Variants in MCM9 observed in about 807,000 individuals in gnomAD.
The protein encoded by MCM9 is DNA helicase MCM9.
A neutral mutation model predicts 72.8 loss-of-function variants in MCM9; 55 were observed. The observed-to-expected ratio is 0.76, with a 90% CI of 0.61 to 0.95. The LOEUF (loss-of-function observed/expected upper bound fraction) is 0.95, where lower values mean the gene tolerates loss of function less well. MCM9 is among the 40% of genes least tolerant of loss of function. The pLI is 0.00. For synonymous variants in MCM9, 480 were observed against 503.4 expected, an observed-to-expected ratio of 0.95 and a Z score of 0.62; for missense variants, 1,279 against 1,377.0, an observed-to-expected ratio of 0.93 and a Z score of 1.13.
chr6:118,843,889 A>ACC lies in MCM9; in HGVS notation c.1325+12481_1325+12482insGG, dbSNP rs1775682433. Among the ~76,000 whole-genome samples, 34 of 148,836 alleles carry ACC rather than the reference A, an allele frequency of 2.3e-4. 1 individual carries two copies. The highest frequency in any genetic ancestry group is 8.3e-4 in the African/African-American group (32 of 38,660). ...CAGGAGAAAGAGAAAAAGAGAAAGA[A>ACC]AGCAAAAGCAGACATATTCAAGAGT... On this transcript the variant is annotated intron_variant, in intron 9 of 13. Coordinates refer to ENST00000619706, the MANE Select transcript of MCM9 (RefSeq NM_017696.3).
At chr6:118,880,897 C>G (rs961824453) in intron 8 of MCM9, among the ~76,000 whole-genome samples, 2 of 152,156 alleles carry the variant, frequency 1.3e-5, no homozygotes, top group African/African-American at 2.4e-5. Context: ...GTTCCAAGAC[C>G]CCCAGTGCAT....
chr6:118,858,114 A>C (rs139136689), intron 8 of MCM9, among the ~76,000 whole-genome samples: 4,440 of 152,266 alleles, frequency 0.029, 216 homozygotes, highest in African/African-American at 0.1. Flanking sequence ...GAAAATCCTC[A>C]TAAATGCAAG....
At chr6:118,928,414 A>C (rs1384294144) in intron 3 of MCM9, among the ~76,000 whole-genome samples, 3 of 152,124 alleles carry the variant, frequency 2.0e-5, no homozygotes. Context: ...CCATCTCAAA[A>C]AAACAAAGAA....
intron 8 of MCM9, among the ~76,000 whole-genome samples, chr6:118,857,781 A>T (rs932532956): frequency 3.3e-5 from 5 of 152,084 alleles, no homozygotes; most frequent in Admixed American, 6.6e-5. Context: ...AAATAGTCAA[A>T]TTTTTTTGAA....
chr6:118,843,123 C>A (rs1313324220), intron 9 of MCM9, among the ~76,000 whole-genome samples: 4 of 152,034 alleles, frequency 2.6e-5, no homozygotes, highest in African/African-American at 9.7e-5. Context: ...ATCATATTGG[C>A]CTCTCCCAGT....
chr6:118,829,225 T>A lies in MCM9; in HGVS notation c.1351A>T (p.Thr451Ser). Residue 451 changes from threonine to serine, a missense_variant, in exon 10 of 14, where the codon ACC becomes TCC. Coordinates refer to ENST00000619706, the MANE Select transcript of MCM9 (RefSeq NM_017696.3). The part of the protein sequence containing the change: ...AGLVCKLNTR[T>S]TILAATNPKG... Reference sequence around the variant, plus strand: ...GGGTTCGTTGCTGCCAGGATGGTGGTCCTTGTGTTCAGCTTGCACACGAGG... The same window carrying A: ...GGGTTCGTTGCTGCCAGGATGGTGGACCTTGTGTTCAGCTTGCACACGAGG... 6.5e-7 allele frequency: 1 copy of A among 1,549,868 alleles called. No individual in the cohort carries two copies. The highest frequency in any genetic ancestry group is 8.7e-7 in the Non-Finnish European group (1 of 1,146,192).
rs143803801 is a variant in MCM9 at position 118,823,126 on chromosome 6, C to T, written c.1961+3021G>A. Among the ~76,000 whole-genome samples the T allele has an allele frequency of 7.5e-3, 1,146 of 152,142 alleles. 8 individuals carry two copies. Among genetic ancestry groups the T allele is most frequent in the South Asian group, 0.029 (137 of 4,794 alleles). ...TCCAGGGGAGTGAATGGTTCTGTCT[C>T]GCTGGGGTTCCAGGTGCCACTGGGG... On this transcript the variant is annotated intron_variant, in intron 13 of 13. Transcript: ENST00000619706.
rs1433994885 is a variant in MCM9 at position 118,826,288 on chromosome 6, C to A, written c.1820G>T (p.Gly607Val). 1.3e-6 allele frequency: 2 copies of A among 1,549,452 alleles called. No individual in the cohort carries two copies. The highest frequency in any genetic ancestry group is 2.7e-5 in the African/African-American group (2 of 73,016). The change falls in exon 13 of 14, where the codon GGT becomes GTT. Residue 607 changes from glycine to valine, a missense_variant. Coordinates refer to ENST00000619706, the MANE Select transcript of MCM9 (RefSeq NM_017696.3). ...GGCATTCACACCTCCTAGCAGTGCACCTCCCTGAAGGGGTGAGAAAATACC... is the reference window on the plus strand; with the variant it reads ...GGCATTCACACCTCCTAGCAGTGCAACTCCCTGAAGGGGTGAGAAAATACC... ...VSVMESSMQG[G>V]ALLGGVNALH...
chr6:118,845,511 G>A lies in MCM9; in HGVS notation c.1325+10860C>T, dbSNP rs146612860. ...TTTGCAGTCACTAAAAAAGCGGGGA[G>A]CTCTTTTAAAAAAATTTTTTTGTTG... is the stretch of plus-strand genomic sequence containing the variant. On this transcript the variant is annotated intron_variant, in intron 9 of 13. Transcript: ENST00000619706. Among the ~76,000 whole-genome samples the A allele has an allele frequency of 1.9e-3, 283 of 151,822 alleles. 7 individuals are homozygous for A. Among genetic ancestry groups the A allele is most frequent in the South Asian group, 0.01 (50 of 4,824 alleles).
chr6:118,815,000 G>C lies in MCM9; in HGVS notation c.3256C>G (p.Pro1086Ala). 1 of 1,550,262 alleles carries C rather than the reference G, an allele frequency of 6.5e-7. No homozygotes were observed. The highest frequency in any genetic ancestry group is 8.7e-7 in the Non-Finnish European group (1 of 1,146,864). The change falls in exon 14 of 14, where the codon CCA (proline) becomes GCA (alanine). Residue 1086 changes from proline to alanine, a missense_variant. Physicochemically the swap from Pro to Ala is conservative, Grantham distance 27. Transcript: ENST00000619706. Reference protein sequence around the residue: ...PERKNRGERGPSSPPTTTAPM... With the variant: ...PERKNRGERGASSPPTTTAPM... The stretch of plus-strand genomic sequence containing the variant: ...GCTGTGGTTGTAGGAGGGGAGCTTG[G>C]GCCTCTCTCACCTCGGTTCTTCCTT...
chr6:118,904,394 C>G (rs1780024098), intron 8 of MCM9, among the ~76,000 whole-genome samples: 1 of 152,194 alleles, frequency 6.6e-6, no homozygotes, highest in South Asian at 2.1e-4. Flanking sequence ...GGCTAAAGTG[C>G]TCATCTAGGC....
At position 118,814,649 on chromosome 6, in the gene MCM9, AC is replaced by A; in HGVS notation, c.*174del. On this transcript the variant is annotated 3_prime_UTR_variant, in exon 14 of 14. Coordinates refer to ENST00000619706, the MANE Select transcript of MCM9 (RefSeq NM_017696.3). ...CACACTGACCTCAACTGATTATACA[AC>A]TTTTTAAGTCATGAAGATTAACCTG... 1 of 561,906 alleles carries A rather than the reference AC, an allele frequency of 1.8e-6. No homozygotes were observed. Among genetic ancestry groups the A allele is most frequent in the Non-Finnish European group, 2.9e-6 (1 of 343,564 alleles). The allele number at this position is 561,906 out of a possible 1,614,324, so 34.8% of individuals were successfully genotyped here. A position where few individuals can be genotyped will look rare whatever the true frequency, so the allele number is the denominator to read the frequency against.
intron 8 of MCM9, among the ~76,000 whole-genome samples, chr6:118,863,747 C>T (rs1208744920): frequency 6.6e-6 from 1 of 152,126 alleles, no homozygotes; most frequent in Non-Finnish European, 1.5e-5. Flanking sequence ...CATGTAATGT[C>T]TTCTACCACC....
At chr6:118,918,048 A>C (rs1377754782) in intron 5 of MCM9, 5 of 411,196 alleles carry the variant, frequency 1.2e-5, no homozygotes, top group Admixed American at 4.1e-5. Flanking sequence ...CTGGGAAAAT[A>C]GTTTACTGGA....
intron 3 of MCM9, among the ~76,000 whole-genome samples, chr6:118,926,733 T>C (rs1781925871): frequency 6.6e-6 from 1 of 152,244 alleles, no homozygotes; most frequent in Non-Finnish European, 1.5e-5. Flanking sequence ...ATAATGCAAC[T>C]ACAAACATTT....
chr6:118,930,402 G>C (rs148309190), intron 3 of MCM9, among the ~76,000 whole-genome samples: 1 of 152,144 alleles, frequency 6.6e-6, no homozygotes, highest in Non-Finnish European at 1.5e-5. Context: ...GTGAGCCACC[G>C]CGCCCGGCTG....
chr6:118,928,209 G>A (rs1281961539), intron 3 of MCM9, among the ~76,000 whole-genome samples: 2 of 152,066 alleles, frequency 1.3e-5, no homozygotes, highest in South Asian at 2.1e-4. Context: ...TCAAGAGTTC[G>A]AAACCAGGCT....
At chr6:118,931,912 T>G (rs1375828860) in intron 2 of MCM9, among the ~76,000 whole-genome samples, 174 bp from the exon 3 acceptor site, 1 of 152,222 alleles carries the variant, frequency 6.6e-6, no homozygotes, top group Non-Finnish European at 1.5e-5. Flanking sequence ...TCACAGTACA[T>G]GTACTTCAAA....
chr6:118,815,787 T>A lies in MCM9; in HGVS notation c.2469A>T (p.Leu823=). The change falls in exon 14 of 14, where the codon CTA becomes CTT. Residue 823 remains leucine (L), a synonymous_variant. Coordinates refer to ENST00000619706, the MANE Select transcript of MCM9 (RefSeq NM_017696.3). The part of the protein sequence containing the change: ...DNVESNKKKR[L]ALDSEAAVSA... Reference sequence around the variant, plus strand: ...AGACTGCTGCTTCAGAATCTAGTGCTAGCCTTTTTTTCTTGTTACTTTCCA... The same window carrying A: ...AGACTGCTGCTTCAGAATCTAGTGCAAGCCTTTTTTTCTTGTTACTTTCCA... 6.5e-7 allele frequency: 1 copy of A among 1,539,878 alleles called. No homozygotes were observed. Among genetic ancestry groups the A allele is most frequent in the Non-Finnish European group, 8.7e-7 (1 of 1,147,002 alleles).
Sources: gnomAD v4.1 joint callset for allele counts (sites outside exome capture counted in the v4.1 genomes callset) on GRCh38, gnomAD v4.1.1 for gene constraint, MANE v1.5 for transcripts, NCBI Gene and HGNC (gene_info 2026-07-23, HGNC 2026-07-21) for gene names.